The following VIPR2 variants were observed in gnomAD, a reference collection of about 807,000 sequenced individuals.
VIPR2 encodes vasoactive intestinal peptide receptor 2.
Under a neutral mutation model 58.0 loss-of-function variants are expected in VIPR2, and 48 were observed. The observed-to-expected ratio is 0.83, with a 90% CI of 0.66 to 1.05. The LOEUF is 1.05. VIPR2 is among the 50% of genes least tolerant of loss of function. VIPR2 has a pLI of 0.00. For synonymous variants in VIPR2, 243 were observed against 235.2 expected (o/e 1.03, Z -0.30); for missense variants, 534 against 558.0 (o/e 0.96, Z 0.43).
intron 2 of VIPR2, among the ~76,000 whole-genome samples, chr7:159,136,780 G>C (rs528954563): frequency 1.3e-5 from 2 of 152,274 alleles, no homozygotes; most frequent in African/African-American, 4.8e-5. Context: ...TGTGAAATGG[G>C]TATATAAATA....
At chr7:159,071,585 A>G (rs569185540) in intron 4 of VIPR2, among the ~76,000 whole-genome samples, 3 of 152,346 alleles carry the variant, frequency 2.0e-5, no homozygotes, top group Non-Finnish European at 4.4e-5. Flanking sequence ...CAGGAGTTCA[A>G]TTCAGCGGTA....
At chr7:159,142,367 C>T (rs1797509524) in intron 2 of VIPR2, 79 bp downstream of exon 2, 13 of 1,048,028 alleles carry the variant, frequency 1.2e-5, no homozygotes, top group Middle Eastern at 2.1e-4. Context: ...CAGGTGGTGA[C>T]CCTGAACCAC....
chr7:159,131,155 G>A (rs1300081730), intron 2 of VIPR2, among the ~76,000 whole-genome samples: 1 of 152,118 alleles, frequency 6.6e-6, no homozygotes, highest in African/African-American at 2.4e-5. Context: ...AAGAACACGG[G>A]GCCCTGCTGT....
chr7:159,113,950 G>A (rs1585527821), intron 2 of VIPR2, among the ~76,000 whole-genome samples: 1 of 152,324 alleles, frequency 6.6e-6, no homozygotes, highest in Middle Eastern at 3.4e-3. Flanking sequence ...CCATAGGGCT[G>A]AGAACTGGGG....
At chr7:159,085,829 T>C (rs527660812) in intron 4 of VIPR2, among the ~76,000 whole-genome samples, 1 of 152,052 alleles carries the variant, frequency 6.6e-6, no homozygotes, top group African/African-American at 2.4e-5. Context: ...AGGGCAAAGA[T>C]CGGCAGTTGC....
chr7:159,120,488 A>G (rs1163247737), intron 2 of VIPR2, among the ~76,000 whole-genome samples: 1 of 152,242 alleles, frequency 6.6e-6, no homozygotes. Flanking sequence ...TTTATGGGAA[A>G]CAGCCTAGAA....
chr7:159,069,486 T>A (rs3815516), intron 4 of VIPR2, among the ~76,000 whole-genome samples: 36,588 of 152,052 alleles, frequency 0.24, 4,552 homozygotes, highest in Non-Finnish European at 0.25. Context: ...GTCTGGCCAG[T>A]TATTTCCTTT....
At chr7:159,044,210 C>G (rs1854510150) in intron 5 of VIPR2, among the ~76,000 whole-genome samples, 1 of 151,908 alleles carries the variant, frequency 6.6e-6, no homozygotes, top group Non-Finnish European at 1.5e-5. Flanking sequence ...TTGTGGAAAT[C>G]TCTATCAAAC....
At chr7:159,111,939 A>G (rs888637616) in intron 2 of VIPR2, among the ~76,000 whole-genome samples, 9 of 152,136 alleles carry the variant, frequency 5.9e-5, no homozygotes, top group Non-Finnish European at 1.3e-4. Flanking sequence ...TGAGCCTGGG[A>G]GGTCGAGGTT....
At chr7:159,041,405 C>A (rs548185783) in intron 6 of VIPR2, among the ~76,000 whole-genome samples, 3 of 152,102 alleles carry the variant, frequency 2.0e-5, no homozygotes, top group South Asian at 4.2e-4. Context: ...CTGGGGTCCA[C>A]TGAGGGTCTG....
At position 159,127,444 on chromosome 7, in the gene VIPR2, G is replaced by A. The variant is rs773293307; in HGVS notation, c.151+15002C>T. On this transcript the variant is annotated intron_variant, in intron 2 of 12. Transcript: ENST00000262178. This position sits in a 1 kb window ranked among gnomAD's most constrained non-coding sequence, Gnocchi z 4.6. ...GAACAAGAGGATTTTTCAAAGTAAC[G>A]TTTATAGGTCCAGATAGAACCTATG... Among the ~76,000 whole-genome samples, 6 of 152,164 alleles carry A rather than the reference G, an allele frequency of 3.9e-5. No individual in the cohort carries two copies. The highest frequency in any genetic ancestry group is 7.4e-5 in the Non-Finnish European group (5 of 68,022).
At chr7:159,061,778 A>G (rs1855675096) in intron 4 of VIPR2, among the ~76,000 whole-genome samples, 1 of 152,220 alleles carries the variant, frequency 6.6e-6, no homozygotes, top group South Asian at 2.1e-4. Context: ...ACAGACAGGA[A>G]AGACGGCTTT....
chr7:159,082,623 AAAAG>A (rs1274275822), intron 4 of VIPR2, among the ~76,000 whole-genome samples: 1 of 152,260 alleles, frequency 6.6e-6, no homozygotes, highest in Admixed American at 6.5e-5. Context: ...TATAATAAAA[AAAAG>A]AATGTTTCTA....
intron 1 of VIPR2, chr7:159,144,427 T>C (rs1436553191): frequency 6.5e-7 from 1 of 1,547,300 alleles, no homozygotes; most frequent in Admixed American, 2.0e-5. Context: ...AGCTCATCGT[T>C]GACGCGTCCA....
In VIPR2 at chr7:159,061,981, C is replaced by T. The variant is rs575496669; in HGVS notation, c.358-3403G>A. Among the ~76,000 whole-genome samples, 19 of 152,324 alleles carry T rather than the reference C, an allele frequency of 1.2e-4. No individual in the cohort carries two copies. The South Asian group carries it at 3.7e-3, about 30-fold the overall frequency. ...TGGCGGGAGGGCGGAAAGCCTGAAG[C>T]CTCTAGAGGAGCCCCGTCCTGAGAA... On this transcript the variant is annotated intron_variant, in intron 4 of 12. Transcript: ENST00000262178.
intron 6 of VIPR2, among the ~76,000 whole-genome samples, chr7:159,039,713 G>T: frequency 6.6e-6 from 1 of 152,264 alleles, no homozygotes. Flanking sequence ...GTGGTGCCTC[G>T]GTCTCAGGCC....
rs554938106 is a variant in VIPR2, at chr7:159,056,303, G to A, written c.455+2178C>T. 2.6e-5 allele frequency among the ~76,000 whole-genome samples: 4 copies of A among 151,202 alleles called. 1 individual carries two copies. The East Asian group carries it at 7.8e-4, about 30-fold the overall frequency. The stretch of plus-strand genomic sequence containing the variant: ...TCCCACATTTGCCCCTTCAGGACCC[G>A]TGGATATATGAAGCTGGTCCTCTGT... On this transcript the variant is annotated intron_variant, in intron 5 of 12. Transcript: ENST00000262178.
At chr7:159,112,722 A>G (rs4998390) in intron 2 of VIPR2, among the ~76,000 whole-genome samples, 4,836 of 61,484 alleles carry the variant, frequency 0.079, 36 homozygotes, top group African/African-American at 0.15. Context: ...TGAGGAGGAG[A>G]CTCACGGCGC....
chr7:159,067,184 A>G (rs538000049), intron 4 of VIPR2, among the ~76,000 whole-genome samples: 50 of 152,368 alleles, frequency 3.3e-4, no homozygotes, highest in African/African-American at 1.1e-3. Context: ...CACAGAGACC[A>G]TACGACCACC....
Sources: gnomAD v4.1 joint callset for allele counts (sites outside exome capture counted in the v4.1 genomes callset) on GRCh38, gnomAD v4.1.1 for gene constraint, Gnocchi (gnomAD v3.1) non-coding constraint, MANE v1.5 for transcripts, NCBI Gene and HGNC (gene_info 2026-07-23, HGNC 2026-07-21) for gene names.